NKAIN2: variants seen among roughly 807,000 people sequenced by gnomAD.
NKAIN2 encodes the protein sodium/potassium-transporting ATPase subunit beta-1-interacting protein 2.
In NKAIN2, 14 loss-of-function variants were observed where a neutral mutation model predicts 32.6. The ratio of observed to expected loss-of-function variants is 0.43; its 90% CI spans 0.28 to 0.67. The LOEUF is 0.67. Among genes scored for constraint, NKAIN2 ranks in the 30% least tolerant of loss-of-function variants. NKAIN2 has a pLI of 0.17. For synonymous variants in NKAIN2, 80 were observed against 87.2 expected (o/e 0.92, Z 0.46); for missense variants, 198 against 258.3 (o/e 0.77, Z 1.60).
intron 1 of NKAIN2, among the ~76,000 whole-genome samples, chr6:124,221,688 C>A (rs1791836256): frequency 6.6e-6 from 1 of 152,140 alleles, no homozygotes; most frequent in African/African-American, 2.4e-5. Context: ...CTCAGAATTT[C>A]ATGAACCCCA....
intron 1 of NKAIN2, among the ~76,000 whole-genome samples, chr6:124,105,820 C>G (rs1785091514): frequency 6.6e-6 from 1 of 152,148 alleles, no homozygotes; most frequent in Non-Finnish European, 1.5e-5. Flanking sequence ...GACAGAAAAA[C>G]ATAATCGTGC....
At chr6:124,371,497 G>A (rs1321278004) in intron 3 of NKAIN2, among the ~76,000 whole-genome samples, 1 of 151,922 alleles carries the variant, frequency 6.6e-6, no homozygotes, top group Non-Finnish European at 1.5e-5. Context: ...TTCAAGACCA[G>A]TCTGACCAAC....
intron 3 of NKAIN2, among the ~76,000 whole-genome samples, chr6:124,541,260 G>A (rs1425426471): frequency 6.6e-6 from 1 of 152,092 alleles, no homozygotes; most frequent in African/African-American, 2.4e-5. Flanking sequence ...TTTTAGGGTG[G>A]TAGTCTCTAT....
At chr6:124,777,264 A>G (rs897107426) in intron 4 of NKAIN2, among the ~76,000 whole-genome samples, 3 of 152,192 alleles carry the variant, frequency 2.0e-5, no homozygotes, top group Non-Finnish European at 2.9e-5. Context: ...AGAGCTATCA[A>G]AAATGCCCAT....
At chr6:124,573,377 C>A (rs1251386023) in intron 3 of NKAIN2, among the ~76,000 whole-genome samples, 1 of 152,046 alleles carries the variant, frequency 6.6e-6, no homozygotes, top group Non-Finnish European at 1.5e-5. Context: ...ATTTTACGCA[C>A]CAAGACCTGC....
intron 2 of NKAIN2, among the ~76,000 whole-genome samples, chr6:124,346,817 G>A (rs1362203400): frequency 6.6e-6 from 1 of 151,938 alleles, no homozygotes; most frequent in Non-Finnish European, 1.5e-5. Flanking sequence ...TTTAATTGGA[G>A]CATTTAGTCC....
At chr6:124,328,581 A>G (rs1797514643) in intron 2 of NKAIN2, among the ~76,000 whole-genome samples, 1 of 152,232 alleles carries the variant, frequency 6.6e-6, no homozygotes, top group Admixed American at 6.5e-5. Context: ...GAACAAAATC[A>G]GGATTGAGCA....
chr6:124,515,823 TGGGACTACAGGC>T (rs1778892040), intron 3 of NKAIN2, among the ~76,000 whole-genome samples: 1 of 5,712 alleles, frequency 1.8e-4, no homozygotes, highest in African/African-American at 6.3e-4. Context: ...CCCGAGTAGC[TGGGACTACAGGC>T]TGTTCTCGTT....
chr6:124,389,744 TG>T (rs1562149434), intron 3 of NKAIN2, among the ~76,000 whole-genome samples: 3 of 133,952 alleles, frequency 2.2e-5, no homozygotes, highest in Non-Finnish European at 4.4e-5. Flanking sequence ...TGTGTGTGTG[TG>T]TGTGTGGGTT....
At chr6:124,451,313 T>G (rs1776098620) in intron 3 of NKAIN2, among the ~76,000 whole-genome samples, 1 of 152,178 alleles carries the variant, frequency 6.6e-6, no homozygotes, top group Non-Finnish European at 1.5e-5. Flanking sequence ...AATTTGATGT[T>G]TGCCTTTAAA....
At chr6:123,961,569 A>T (rs1445606258) in intron 1 of NKAIN2, among the ~76,000 whole-genome samples, 1 of 152,240 alleles carries the variant, frequency 6.6e-6, no homozygotes, top group Non-Finnish European at 1.5e-5. Flanking sequence ...TTTACTTGCC[A>T]GAATATTCAT....
chr6:124,754,149 G>A (rs960803083), intron 4 of NKAIN2, among the ~76,000 whole-genome samples: 1 of 152,042 alleles, frequency 6.6e-6, no homozygotes, highest in African/African-American at 2.4e-5. Context: ...TGTGTACTAT[G>A]ACGATTGAGA....
At chr6:124,445,409 T>A (rs1201360524) in intron 3 of NKAIN2, among the ~76,000 whole-genome samples, 1 of 152,004 alleles carries the variant, frequency 6.6e-6, no homozygotes, top group Non-Finnish European at 1.5e-5. Context: ...TTGTTAAGGG[T>A]TGAAATTTTG....
intron 3 of NKAIN2, among the ~76,000 whole-genome samples, chr6:124,656,704 A>G (rs1583592754): frequency 6.6e-6 from 1 of 151,004 alleles, no homozygotes; most frequent in East Asian, 1.9e-4. Flanking sequence ...TTCAGCCATC[A>G]CCCCCCTACC....
At chr6:124,472,730 A>G (rs1777025846) in intron 3 of NKAIN2, among the ~76,000 whole-genome samples, 1 of 148,440 alleles carries the variant, frequency 6.7e-6, no homozygotes, top group Admixed American at 6.8e-5. Context: ...AAAAAAAAAA[A>G]GACCAGATTA....
chr6:124,492,887 G>GT (rs1355154001), intron 3 of NKAIN2, among the ~76,000 whole-genome samples: 6 of 151,904 alleles, frequency 3.9e-5, no homozygotes, highest in Admixed American at 1.3e-4. Flanking sequence ...TGTCTCTCTG[G>GT]TTTTTTTGGA....
At chr6:123,926,901 A>T (rs759746723) in intron 1 of NKAIN2, among the ~76,000 whole-genome samples, 19 of 152,186 alleles carry the variant, frequency 1.2e-4, no homozygotes, top group Non-Finnish European at 2.8e-4. Flanking sequence ...CTCCTCATTT[A>T]TCTTAATTTG....
chr6:124,393,812 C>T (rs753872802), intron 3 of NKAIN2, among the ~76,000 whole-genome samples: 1 of 152,110 alleles, frequency 6.6e-6, no homozygotes, highest in Admixed American at 6.6e-5. Flanking sequence ...TATGTGCATG[C>T]GCATTATATG....
At chr6:124,767,420 C>T (rs1778560169) in intron 4 of NKAIN2, among the ~76,000 whole-genome samples, 1 of 152,052 alleles carries the variant, frequency 6.6e-6, no homozygotes, top group East Asian at 1.9e-4. Flanking sequence ...TGTGGTTTGC[C>T]TCCTAATCCT....
Sources: allele counts gnomAD v4.1 joint callset (sites outside exome capture counted in the v4.1 genomes callset), GRCh38; gene constraint gnomAD v4.1.1; transcripts MANE v1.5; gene names NCBI Gene and HGNC (gene_info 2026-07-23, HGNC 2026-07-21).